PSTPIP1: variants seen among roughly 807,000 people sequenced by gnomAD.
PSTPIP1 encodes proline-serine-threonine phosphatase-interacting protein 1.
Under a neutral mutation model 69.6 loss-of-function variants are expected in PSTPIP1, and 66 were observed. That is an observed-to-expected ratio of 0.95 (90% CI 0.78 to 1.16). The LOEUF (loss-of-function observed/expected upper bound fraction) is 1.16, where lower values mean the gene tolerates loss of function less well. PSTPIP1 is among the 50% of genes most tolerant of loss of function. The pLI is 0.00. For missense variants in PSTPIP1, 603 were observed against 557.4 expected (o/e 1.08, Z -0.82); for synonymous variants, 266 against 222.7 (o/e 1.19, Z -1.73).
intron 9 of PSTPIP1, 33 bp from the exon 10 acceptor site, chr15:77,031,147 C>T: frequency 6.3e-7 from 1 of 1,598,518 alleles, no homozygotes. Context: ...GCAGCCGCCT[C>T]CTCACTGCTC....
Position 77,009,097 on chromosome 15 carries a change from G to T in PSTPIP1, c.37-9051G>T, listed in dbSNP as rs140835757. On this transcript the variant is annotated intron_variant, in intron 1 of 14. Transcript: ENST00000558012. ...TAGTAAACTAACTTTGGTGGTTAGA[G>T]GATTGAGAGTGGAGACATGCAGGTT... 2.5e-3 allele frequency among the ~76,000 whole-genome samples: 380 copies of T among 152,288 alleles called. 1 individual carries two copies. Among genetic ancestry groups the T allele is most frequent in the Middle Eastern group, 0.01 (3 of 294 alleles).
Position 76,995,467 on chromosome 15 carries a change from G to A in PSTPIP1, c.-107G>A, listed in dbSNP as rs373013073. ...GCAGACGGCGCCGGCCGGGAAGGGG[G>A]GCCTGGGCCAGCCCTGCCAGGACTG... On this transcript the variant is annotated 5_prime_UTR_variant, in exon 1 of 15. Transcript: ENST00000558012. The A allele has an allele frequency of 1.3e-6, 2 of 1,588,324 alleles. No homozygotes were observed. Among genetic ancestry groups the A allele is most frequent in the African/African-American group, 1.3e-5 (1 of 74,504 alleles).
intron 8 of PSTPIP1, 118 bp from the exon 9 acceptor site, chr15:77,030,384 G>C: frequency 9.7e-7 from 1 of 1,027,136 alleles, no homozygotes; most frequent in Non-Finnish European, 1.5e-6. Flanking sequence ...TGCTAGGGCA[G>C]GTCCCATGGG....
chr15:77,007,399 G>A (rs2075836056), intron 1 of PSTPIP1, among the ~76,000 whole-genome samples: 1 of 152,134 alleles, frequency 6.6e-6, no homozygotes, highest in South Asian at 2.1e-4. Flanking sequence ...CTCGAGCCCA[G>A]GAGTTCAAGA....
chr15:77,024,726 TTCCCTCCCTCCCTCCCTCCC>T (rs67239232), intron 3 of PSTPIP1, among the ~76,000 whole-genome samples: 1 of 143,420 alleles, frequency 7.0e-6, no homozygotes, highest in African/African-American at 2.6e-5. Flanking sequence ...TGCTGGGCCC[TTCCCTCCCTCCCTCCCTCCC>T]TCCCTCCCTG....
chr15:77,011,352 G>T (rs543245476), intron 1 of PSTPIP1, among the ~76,000 whole-genome samples: 1 of 152,194 alleles, frequency 6.6e-6, no homozygotes, highest in African/African-American at 2.4e-5. Flanking sequence ...TGTCAGCCAC[G>T]GGCCTGTGGG....
At chr15:77,005,283 G>A (rs1051404355) in intron 1 of PSTPIP1, among the ~76,000 whole-genome samples, 2 of 152,268 alleles carry the variant, frequency 1.3e-5, no homozygotes, top group Middle Eastern at 3.4e-3. Context: ...CTACTTGAGA[G>A]GCAGAGGCAG....
At chr15:77,000,351 G>A (rs1047809018) in intron 1 of PSTPIP1, among the ~76,000 whole-genome samples, 1 of 152,030 alleles carries the variant, frequency 6.6e-6, no homozygotes, top group African/African-American at 2.4e-5. Flanking sequence ...ACTCTGATCT[G>A]TCATAAAGCT....
intron 1 of PSTPIP1, among the ~76,000 whole-genome samples, chr15:77,008,842 C>T (rs535803282): frequency 3.4e-4 from 52 of 152,298 alleles, no homozygotes; most frequent in Non-Finnish European, 4.7e-4. Flanking sequence ...TAAGTAGAGT[C>T]GTGTTTCTCC....
chr15:77,035,084 G>A (rs774125430), intron 12 of PSTPIP1, among the ~76,000 whole-genome samples: 6 of 152,244 alleles, frequency 3.9e-5, no homozygotes, highest in Admixed American at 2.0e-4. Context: ...TACCCATGGG[G>A]GAAGCTGCTA....
intron 3 of PSTPIP1, chr15:77,023,971 CCCTCTCCTTCTT>C (rs1343281858): frequency 6.6e-6 from 1 of 152,306 alleles, no homozygotes; most frequent in Admixed American, 6.5e-5. Flanking sequence ...ACACAGCCAC[CCCTCTCCTTCTT>C]CCTCTCCCTG....
intron 1 of PSTPIP1, among the ~76,000 whole-genome samples, chr15:77,014,710 A>C (rs2076015615): frequency 6.6e-6 from 1 of 152,296 alleles, no homozygotes; most frequent in East Asian, 1.9e-4. Flanking sequence ...GGGGGTGTGG[A>C]GGGCCCTGGC....
chr15:76,999,890 T>A (rs1218689325), intron 1 of PSTPIP1, among the ~76,000 whole-genome samples: 1 of 152,236 alleles, frequency 6.6e-6, no homozygotes, highest in East Asian at 1.9e-4. Context: ...AGGGAAAATC[T>A]AGTTCTGGAC....
chr15:77,020,102 G>A (rs994199069), intron 3 of PSTPIP1, among the ~76,000 whole-genome samples: 1 of 152,194 alleles, frequency 6.6e-6, no homozygotes, highest in Non-Finnish European at 1.5e-5. Flanking sequence ...GGGATTTACA[G>A]CAGGGAAAGA....
intron 9 of PSTPIP1, 66 bp downstream of exon 9, chr15:77,030,647 A>C (rs2076392397): frequency 1.4e-6 from 2 of 1,465,022 alleles, no homozygotes; most frequent in South Asian, 2.7e-5. Flanking sequence ...TCCCTACTCC[A>C]GCTGCTTAAA....
At chr15:76,996,665 T>C (rs2152659937) in intron 1 of PSTPIP1, among the ~76,000 whole-genome samples, 1 of 152,370 alleles carries the variant, frequency 6.6e-6, no homozygotes. Flanking sequence ...GTGAGTGTTC[T>C]GCTTCCTCTG....
At chr15:77,019,297 G>T (rs1281664488) in intron 3 of PSTPIP1, among the ~76,000 whole-genome samples, 1 of 152,148 alleles carries the variant, frequency 6.6e-6, no homozygotes, top group Non-Finnish European at 1.5e-5. Context: ...GCCAGGCCAA[G>T]GGGCAGACAG....
chr15:76,997,265 G>A (rs2075600633), intron 1 of PSTPIP1, among the ~76,000 whole-genome samples: 1 of 152,234 alleles, frequency 6.6e-6, no homozygotes, highest in Admixed American at 6.5e-5. Flanking sequence ...CTGAGCCTGG[G>A]GCGGGCATAT....
At chr15:77,032,541 T>C in intron 11 of PSTPIP1, 147 bp downstream of exon 11, 1 of 795,638 alleles carries the variant, frequency 1.3e-6, no homozygotes, top group Non-Finnish European at 2.0e-6. Context: ...TTGTGGGGAG[T>C]TGGGTCCCAG....
Sources: allele counts gnomAD v4.1 joint callset (sites outside exome capture counted in the v4.1 genomes callset), GRCh38; gene constraint gnomAD v4.1.1; transcripts MANE v1.5; gene names NCBI Gene and HGNC (gene_info 2026-07-23, HGNC 2026-07-21).